COL28A1: variants seen among roughly 807,000 people sequenced by gnomAD.
COL28A1 encodes collagen type XXVIII alpha 1 chain, also known as collagen alpha-1(XXVIII) chain.
In COL28A1, 161 loss-of-function variants were observed where a neutral mutation model predicts 150.2. That is an observed-to-expected ratio of 1.07 (90% CI 0.94 to 1.22). The LOEUF (loss-of-function observed/expected upper bound fraction) is 1.22, where lower values mean the gene tolerates loss of function less well. COL28A1 is among the 50% of genes most tolerant of loss of function. The pLI, the probability that COL28A1 is intolerant of heterozygous loss-of-function variation, is 0.00. For synonymous variants in COL28A1, 552 were observed against 469.7 expected (o/e 1.18, Z -2.26); for missense variants, 1,617 against 1,388.3 (o/e 1.16, Z -2.62).
chr7:7,485,211 G>A (rs1032673602), intron 13 of COL28A1, among the ~76,000 whole-genome samples: 1 of 152,102 alleles, frequency 6.6e-6, no homozygotes, highest in Non-Finnish European at 1.5e-5. Context: ...ACAAGTATAT[G>A]TACACATATA....
At chr7:7,461,695 A>T (rs186331643) in intron 15 of COL28A1, among the ~76,000 whole-genome samples, 2 of 152,170 alleles carry the variant, frequency 1.3e-5, no homozygotes, top group Admixed American at 6.5e-5. Context: ...TTGATCTGGG[A>T]ACCTCTCCCT....
intron 25 of COL28A1, among the ~76,000 whole-genome samples, chr7:7,421,780 T>G (rs1192240524): frequency 6.6e-6 from 1 of 152,224 alleles, no homozygotes; most frequent in East Asian, 1.9e-4. Context: ...ACTTTCATAA[T>G]TATGTATTTC....
intron 23 of COL28A1, among the ~76,000 whole-genome samples, chr7:7,434,747 T>C (rs183646844): frequency 4.3e-4 from 66 of 152,286 alleles, no homozygotes; most frequent in African/African-American, 1.4e-3. Flanking sequence ...GAGGAGCAGG[T>C]TTTTATTTTG....
rs370084753 is a variant in COL28A1 at position 7,531,873 on chromosome 7, G to A, written c.156C>T (p.Ile52=). The change falls in exon 3 of 35, where the codon ATC becomes ATT. Residue 52 remains isoleucine, a synonymous_variant. Transcript: ENST00000399429. ...TTTTAGAACTTTCAGAGCTGTCCAC[G>A]ATGAAGACAATATCTATGAAACAAA... ...GSICFIDIVF[I]VDSSESSKIA... 36 of 1,607,206 alleles carry A rather than the reference G, an allele frequency of 2.2e-5. No homozygotes were observed. The highest frequency in any genetic ancestry group is 1.7e-4 in the Admixed American group (10 of 59,968).
chr7:7,521,988 AAC>A (rs1193536521), intron 4 of COL28A1, 27 bp from the exon 5 acceptor site: 3 of 890,906 alleles, frequency 3.4e-6, no homozygotes, highest in Non-Finnish European at 5.8e-6. Context: ...ATATGATATT[AAC>A]ACACAGTGAA....
At chr7:7,533,054 T>G (rs1782458326) in intron 1 of COL28A1, 142 bp from the exon 2 acceptor site, 2 of 968,274 alleles carry the variant, frequency 2.1e-6, no homozygotes, top group East Asian at 6.0e-5. Flanking sequence ...ATATTCACAT[T>G]GAGATTTTGA....
In COL28A1 at chr7:7,419,874, T is replaced by G; in HGVS notation, c.2067+11A>C. On this transcript the variant is annotated intron_variant, in intron 26 of 34. Transcript: ENST00000399429. The stretch of plus-strand genomic sequence containing the variant: ...CTGACCCTCACACAAAGCACTGAGC[T>G]GAGGACTCACCTTTGGCCCTTGGGT... The G allele has an allele frequency of 6.3e-7, 1 of 1,581,592 alleles. No homozygotes were observed. Among genetic ancestry groups the G allele is most frequent in the Non-Finnish European group, 8.6e-7 (1 of 1,164,888 alleles).
intron 11 of COL28A1, among the ~76,000 whole-genome samples, chr7:7,503,182 T>C (rs944186772): frequency 2.4e-4 from 37 of 152,214 alleles, no homozygotes; most frequent in African/African-American, 8.7e-4. Flanking sequence ...AAATATAATA[T>C]GGTAGCTAAG....
At chr7:7,501,180 GA>G (rs2115093867) in intron 11 of COL28A1, among the ~76,000 whole-genome samples, 1 of 152,314 alleles carries the variant, frequency 6.6e-6, no homozygotes, top group East Asian at 1.9e-4. Context: ...ACAGCAAGAA[GA>G]AAACACTTAG....
At chr7:7,462,557 G>A (rs890834261) in intron 15 of COL28A1, among the ~76,000 whole-genome samples, 2 of 152,120 alleles carry the variant, frequency 1.3e-5, no homozygotes, top group Non-Finnish European at 2.9e-5. Context: ...AGGAAACATG[G>A]ACACACTTAC....
chr7:7,412,914 G>A (rs73674533), intron 27 of COL28A1, among the ~76,000 whole-genome samples: 2,585 of 152,142 alleles, frequency 0.017, 81 homozygotes, highest in African/African-American at 0.058. Context: ...AGAAAAAATC[G>A]AAACCCAGAT....
intron 33 of COL28A1, among the ~76,000 whole-genome samples, chr7:7,364,809 T>G (rs1034692266): frequency 1.3e-5 from 2 of 152,090 alleles, no homozygotes; most frequent in African/African-American, 4.8e-5. Flanking sequence ...AATTATCTTT[T>G]TTCTTTCTTT....
intron 30 of COL28A1, among the ~76,000 whole-genome samples, chr7:7,376,381 C>A (rs1197804703): frequency 1.3e-5 from 2 of 152,182 alleles, no homozygotes; most frequent in East Asian, 3.8e-4. Flanking sequence ...TAGCCTGTAA[C>A]ATGGCTTAAA....
chr7:7,457,964 G>C (rs142354670), intron 15 of COL28A1, among the ~76,000 whole-genome samples: 1 of 152,150 alleles, frequency 6.6e-6, no homozygotes, highest in Non-Finnish European at 1.5e-5. Context: ...GATGTCTCTC[G>C]TAATTGATCA....
At position 7,387,281 on chromosome 7, in the gene COL28A1, G is replaced by A. The variant is rs76989716; in HGVS notation, c.2137-5669C>T. On this transcript the variant is annotated intron_variant, in intron 27 of 34. Transcript: ENST00000399429. Reference sequence around the variant, plus strand: ...CGCCCAGACCATTAGATGCCTCCTCGTACGGGTTTGCTGGAACACATAAAA... The same window carrying A: ...CGCCCAGACCATTAGATGCCTCCTCATACGGGTTTGCTGGAACACATAAAA... Among the ~76,000 whole-genome samples, 190 of 152,138 alleles carry A rather than the reference G, an allele frequency of 1.2e-3. 3 individuals carry two copies. In the East Asian group the frequency reaches 0.033, roughly 27 times the overall value.
chr7:7,349,018 T>C, the COL28A1 span, among the ~76,000 whole-genome samples: 1 of 152,142 alleles, frequency 6.6e-6, no homozygotes, highest in Non-Finnish European at 1.5e-5. Context: ...ATAGCTGAGA[T>C]TATAGGCATG....
chr7:7,412,793 T>C (rs1783860607), intron 27 of COL28A1, among the ~76,000 whole-genome samples: 1 of 152,134 alleles, frequency 6.6e-6, no homozygotes, highest in Non-Finnish European at 1.5e-5. Context: ...CTAGACATTT[T>C]ATACAATTTT....
intron 15 of COL28A1, among the ~76,000 whole-genome samples, chr7:7,465,113 C>T (rs1257794374): frequency 6.6e-6 from 1 of 150,700 alleles, no homozygotes; most frequent in Non-Finnish European, 1.5e-5. Context: ...CCAAGATGGC[C>T]GAATAGGAAC....
At chr7:7,429,498 T>C (rs1454619235) in intron 25 of COL28A1, among the ~76,000 whole-genome samples, 1 of 151,244 alleles carries the variant, frequency 6.6e-6, no homozygotes, top group Non-Finnish European at 1.5e-5. Flanking sequence ...TGTGTGTGTA[T>C]GCGTGTGTGT....
Sources: allele counts gnomAD v4.1 joint callset (sites outside exome capture counted in the v4.1 genomes callset), GRCh38; gene constraint gnomAD v4.1.1; transcripts MANE v1.5; gene names NCBI Gene and HGNC (gene_info 2026-07-23, HGNC 2026-07-21).